TSPAN15: variants seen among roughly 807,000 people sequenced by gnomAD.
TSPAN15 encodes tetraspanin-15.
In TSPAN15, 20 loss-of-function variants were observed where a neutral mutation model predicts 34.5. The ratio of observed to expected loss-of-function variants is 0.58; its 90% confidence interval spans 0.41 to 0.84. The LOEUF (loss-of-function observed/expected upper bound fraction) is 0.84, where lower values mean the gene tolerates loss of function less well. TSPAN15 is among the 40% of genes least tolerant of loss of function. TSPAN15 has a pLI of 0.00. For synonymous variants in TSPAN15, 155 were observed against 153.9 expected (o/e 1.01, Z -0.05); for missense variants, 313 against 386.1 (o/e 0.81, Z 1.59).
chr10:69,537,629 T>C, the TSPAN15 span, among the ~76,000 whole-genome samples: 13 of 152,342 alleles, frequency 8.5e-5, no homozygotes, highest in East Asian at 2.5e-3. Context: ...ATTAGAGGCC[T>C]ATCCTGCTCC....
rs559471346 is a variant in TSPAN15 at position 69,504,359 on chromosome 10, C to A, written c.571-79C>A. ...TGCAACTCTGTGCTTCGGTTTTCAT[C>A]TGTAAAATGGGTAGGATAATAGTGC... On this transcript the variant is annotated intron_variant, in intron 5 of 7. Transcript: ENST00000373290. 7 of 1,421,060 alleles carry A rather than the reference C, an allele frequency of 4.9e-6. No homozygotes were observed. In the East Asian group the frequency reaches 9.2e-5, roughly 19 times the overall value. 88.0% of individuals were successfully genotyped at this position (1,421,060 alleles called of 1,614,324 possible).
At position 69,483,804 on chromosome 10, in the gene TSPAN15, C is replaced by T. The variant is rs373719231; in HGVS notation, c.210C>T (p.Gly70=). The T allele has an allele frequency of 1.4e-5, 22 of 1,614,076 alleles. No individual in the cohort carries two copies. The highest frequency in any genetic ancestry group is 3.3e-4 in the Middle Eastern group (2 of 6,084). The change falls in exon 2 of 8, where the codon GGC becomes GGT. Residue 70 remains glycine, a synonymous_variant. Coordinates refer to ENST00000373290, the MANE Select transcript of TSPAN15 (RefSeq NM_012339.5). ...CAGCCATCATCCTCATCCTCCTGGG[C>T]GTCGTCATGTTCATGGTCTCCTTCA... is the stretch of plus-strand genomic sequence containing the variant. ...LAPAIILILL[G]VVMFMVSFIG...
At chr10:69,466,409 AGAT>A (rs1397296605) in intron 1 of TSPAN15, among the ~76,000 whole-genome samples, 5 of 152,190 alleles carry the variant, frequency 3.3e-5, no homozygotes, top group Non-Finnish European at 7.4e-5. Flanking sequence ...GTGGTGCACA[AGAT>A]GATTGTAGCT....
At chr10:69,511,901 G>A (rs1263517398), downstream of TSPAN15, among the ~76,000 whole-genome samples, 4 of 151,326 alleles carry the variant, frequency 2.6e-5, no homozygotes, top group East Asian at 5.8e-4. Context: ...GAGAACACAT[G>A]GACACAGGGA....
chr10:69,460,927 G>A (rs1436612064), intron 1 of TSPAN15, among the ~76,000 whole-genome samples: 3 of 152,130 alleles, frequency 2.0e-5, no homozygotes, highest in Non-Finnish European at 2.9e-5. Context: ...CTTGGTTGGC[G>A]GGTGAGGAGA....
the TSPAN15 span, among the ~76,000 whole-genome samples, chr10:69,544,975 C>T: frequency 4.6e-5 from 7 of 152,172 alleles, no homozygotes; most frequent in South Asian, 2.1e-4. Context: ...CTCCCCCAGC[C>T]GACTGAACTC....
intron 1 of TSPAN15, among the ~76,000 whole-genome samples, chr10:69,479,625 A>G (rs1385668531): frequency 6.6e-6 from 1 of 152,276 alleles, no homozygotes; most frequent in Admixed American, 6.5e-5. Flanking sequence ...GTGGAAGGCT[A>G]TAATTAGCAG....
the TSPAN15 span, among the ~76,000 whole-genome samples, chr10:69,546,910 G>A: frequency 6.6e-6 from 1 of 152,168 alleles, no homozygotes; most frequent in Non-Finnish European, 1.5e-5. Flanking sequence ...TTGGGAGGCT[G>A]AGGCAGGAGG....
At chr10:69,484,734 T>A (rs1841814115) in intron 2 of TSPAN15, among the ~76,000 whole-genome samples, 1 of 151,882 alleles carries the variant, frequency 6.6e-6, no homozygotes, top group African/African-American at 2.4e-5. Flanking sequence ...ATCTGGGAAG[T>A]CACATCTGAG....
chr10:69,511,767 G>A (rs1477208113), downstream of TSPAN15, among the ~76,000 whole-genome samples: 1 of 152,152 alleles, frequency 6.6e-6, no homozygotes, highest in Non-Finnish European at 1.5e-5. Flanking sequence ...ACCCTGGTAC[G>A]TTGTGTCTTT....
chr10:69,487,658 G>A (rs989171994), intron 3 of TSPAN15, among the ~76,000 whole-genome samples: 6 of 152,252 alleles, frequency 3.9e-5, no homozygotes, highest in African/African-American at 1.4e-4. Context: ...GTGCATTGCT[G>A]CAGAGGCCAT....
the TSPAN15 span, among the ~76,000 whole-genome samples, chr10:69,522,693 G>A: frequency 6.1e-5 from 9 of 147,324 alleles, 2 homozygotes; most frequent in South Asian, 1.5e-3. Context: ...GCATTCAAGG[G>A]AACTAGGCTG....
At chr10:69,461,778 C>T (rs1841263627) in intron 1 of TSPAN15, among the ~76,000 whole-genome samples, 2 of 152,130 alleles carry the variant, frequency 1.3e-5, no homozygotes, top group South Asian at 2.1e-4. Flanking sequence ...TGCTGGCTGC[C>T]GAGGCTGCAC....
chr10:69,525,556 C>T, the TSPAN15 span, among the ~76,000 whole-genome samples: 1 of 146,662 alleles, frequency 6.8e-6, no homozygotes, highest in Non-Finnish European at 1.5e-5. Context: ...CACAGTGGCT[C>T]ACGCCTGTAA....
At chr10:69,482,703 A>T (rs957627054) in intron 1 of TSPAN15, among the ~76,000 whole-genome samples, 2 of 143,270 alleles carry the variant, frequency 1.4e-5, no homozygotes, top group African/African-American at 5.0e-5. Context: ...ACACAGACTC[A>T]CATGGTCAAA....
At chr10:69,543,423 G>A in the TSPAN15 span, among the ~76,000 whole-genome samples, 1 of 152,218 alleles carries the variant, frequency 6.6e-6, no homozygotes, top group Non-Finnish European at 1.5e-5. Context: ...TTGGAGGGAT[G>A]CACTTAAAAT....
chr10:69,508,267 C>G (rs1218876500), downstream of TSPAN15, among the ~76,000 whole-genome samples: 4 of 151,524 alleles, frequency 2.6e-5, no homozygotes, highest in Admixed American at 1.3e-4. Flanking sequence ...ATAGTGAAAC[C>G]CCATCTCTAC....
At chr10:69,488,372 G>A (rs544607902) in intron 3 of TSPAN15, among the ~76,000 whole-genome samples, 1 of 152,248 alleles carries the variant, frequency 6.6e-6, no homozygotes, top group South Asian at 2.1e-4. Flanking sequence ...GCTTCCAGGA[G>A]GAGGTGATTT....
Position 69,506,919 on chromosome 10 carries a change from G to C in TSPAN15, c.826G>C (p.Gly276Arg). 1 of 1,609,220 alleles carries C rather than the reference G, an allele frequency of 6.2e-7. No individual in the cohort carries two copies. The highest frequency in any genetic ancestry group is 8.5e-7 in the Non-Finnish European group (1 of 1,178,326). The change falls in exon 8 of 8, where the codon GGT becomes CGT. Residue 276 changes from glycine (G) to arginine (R), a missense_variant. Coordinates refer to ENST00000373290, the MANE Select transcript of TSPAN15 (RefSeq NM_012339.5). This position sits in a 1 kb window ranked among gnomAD's most constrained non-coding sequence, Gnocchi z 4.7. ...TGTCACTGATGGGCTCCTGGGGCCC[G>C]GTGCCAAGCCCAGCGTGGAGGCGGC... ...HSVTDGLLGP[G>R]AKPSVEAAGT...
Sources: allele counts gnomAD v4.1 joint callset (sites outside exome capture counted in the v4.1 genomes callset), GRCh38; gene constraint gnomAD v4.1.1; non-coding constraint Gnocchi (gnomAD v3.1); transcripts MANE v1.5; gene names NCBI Gene and HGNC (gene_info 2026-07-23, HGNC 2026-07-21).